Variants in IL1RAP observed in about 807,000 individuals in gnomAD.
IL1RAP encodes interleukin 1 receptor accessory protein, also known as interleukin-1 receptor accessory protein.
In IL1RAP, 35 loss-of-function variants were observed where a neutral mutation model predicts 60.7. The ratio of observed to expected loss-of-function variants is 0.58; its 90% confidence interval spans 0.44 to 0.76. IL1RAP has a LOEUF of 0.76. IL1RAP is among the 30% of genes least tolerant of loss of function. IL1RAP has a pLI of 0.00. For missense variants in IL1RAP, 572 were observed against 693.9 expected (o/e 0.82, Z 1.97); for synonymous variants, 268 against 250.9 (o/e 1.07, Z -0.64).
chr3:190,659,335 C>T (rs1734709739), exon 12 of IL1RAP: 1 of 152,000 alleles, frequency 6.6e-6, no homozygotes. Flanking sequence ...TTTCCTTGGA[C>T]AATATAAGTG....
chr3:190,645,480 A>G (rs952655351), intron 10 of IL1RAP, among the ~76,000 whole-genome samples: 2 of 152,196 alleles, frequency 1.3e-5, no homozygotes, highest in Non-Finnish European at 2.9e-5. Context: ...TTTCCACTGT[A>G]AAGCAACCTG....
At chr3:190,576,964 G>T (rs369040256) in intron 3 of IL1RAP, among the ~76,000 whole-genome samples, 1 of 152,032 alleles carries the variant, frequency 6.6e-6, no homozygotes, top group Admixed American at 6.5e-5. Context: ...AGCCGGGCGC[G>T]GTGGCGGGCG....
intron 5 of IL1RAP, among the ~76,000 whole-genome samples, chr3:190,619,882 G>C (rs536779534): frequency 6.6e-6 from 1 of 152,240 alleles, no homozygotes; most frequent in East Asian, 1.9e-4. Flanking sequence ...AATATAATCA[G>C]TGAAGAAATA....
chr3:190,543,157 C>G (rs1299834589), intron 1 of IL1RAP, among the ~76,000 whole-genome samples: 1 of 152,016 alleles, frequency 6.6e-6, no homozygotes, highest in African/African-American at 2.4e-5. Context: ...GATGACAATC[C>G]AAAGGTATTC....
intron 1 of IL1RAP, among the ~76,000 whole-genome samples, chr3:190,550,112 G>C (rs1027064068): frequency 6.6e-6 from 1 of 152,304 alleles, no homozygotes; most frequent in East Asian, 1.9e-4. Flanking sequence ...AACAGGGGGG[G>C]CTTAGAGAAT....
At chr3:190,570,904 T>G (rs1417776341) in intron 3 of IL1RAP, among the ~76,000 whole-genome samples, 1 of 152,202 alleles carries the variant, frequency 6.6e-6, no homozygotes, top group Non-Finnish European at 1.5e-5. Context: ...CATTTTGATA[T>G]GTGCACCAAG....
In IL1RAP at chr3:190,651,165, A is replaced by AT. The variant is rs201120230; in HGVS notation, c.*2467dup. The stretch of plus-strand genomic sequence containing the variant: ...AGAACAAGAACAAACCATGTCTCAA[A>AT]TTTTTTTAAAAAAAATTAATGGTTT... On this transcript the variant is annotated 3_prime_UTR_variant, in exon 12 of 12. Coordinates refer to ENST00000447382, the MANE Select transcript of IL1RAP (RefSeq NM_002182.4). 3.5e-4 allele frequency: 340 copies of AT among 982,512 alleles called. 1 individual carries two copies. Among genetic ancestry groups the AT allele is most frequent in the Non-Finnish European group, 3.8e-4 (318 of 827,474 alleles). 60.9% of individuals were successfully genotyped at this position (982,512 alleles called of 1,614,324 possible).
chr3:190,600,529 G>T (rs1005806739), intron 3 of IL1RAP, among the ~76,000 whole-genome samples: 2 of 152,184 alleles, frequency 1.3e-5, no homozygotes, highest in African/African-American at 2.4e-5. Context: ...GAACAAAGTT[G>T]TGTGGTATGC....
chr3:190,532,452 C>T (rs971705461), intron 1 of IL1RAP, among the ~76,000 whole-genome samples: 8 of 151,882 alleles, frequency 5.3e-5, no homozygotes, highest in Admixed American at 4.6e-4. Context: ...TTAGTAGAGA[C>T]GGGGTTTCAC....
chr3:190,537,350 T>A (rs1452599669), intron 1 of IL1RAP, among the ~76,000 whole-genome samples: 1 of 152,190 alleles, frequency 6.6e-6, no homozygotes, highest in African/African-American at 2.4e-5. Context: ...CTCAGATCTA[T>A]TCCTTTACAT....
intron 6 of IL1RAP, among the ~76,000 whole-genome samples, chr3:190,621,572 T>C (rs1396526457): frequency 6.6e-6 from 1 of 152,208 alleles, no homozygotes; most frequent in Non-Finnish European, 1.5e-5. Context: ...GATTAACAGA[T>C]TTAAAAATTC....
chr3:190,656,868 C>A, exon 12 of IL1RAP: 1 of 368,210 alleles, frequency 2.7e-6, no homozygotes, highest in East Asian at 4.4e-5. Flanking sequence ...AAAGTCTGAT[C>A]CTCTATCTTG....
chr3:190,640,837 A>G (rs73062276), intron 9 of IL1RAP, among the ~76,000 whole-genome samples: 2,593 of 152,358 alleles, frequency 0.017, 76 homozygotes, highest in African/African-American at 0.06. Context: ...TTAAGGACTA[A>G]CAACCATCAA....
chr3:190,649,969 ATCT>A lies in IL1RAP; in HGVS notation c.*1266_*1268del. ...ATACACACGTGTATATGAGATATATATCTTATATCTCCACAAACACAAATTATA... is the reference window on the plus strand; with the variant it reads ...ATACACACGTGTATATGAGATATATATATATCTCCACAAACACAAATTATA... On this transcript the variant is annotated 3_prime_UTR_variant, in exon 12 of 12. Transcript: ENST00000447382. The A allele has an allele frequency of 1.5e-6, 1 of 689,338 alleles. No homozygotes were observed. Among genetic ancestry groups the A allele is most frequent in the Non-Finnish European group, 1.8e-6 (1 of 560,108 alleles). The allele number at this position is 689,338 out of a possible 1,614,324, so 42.7% of individuals were successfully genotyped here. A position where few individuals can be genotyped will look rare whatever the true frequency, so the allele number is the denominator to read the frequency against.
chr3:190,527,300 C>T (rs900065450), intron 1 of IL1RAP, among the ~76,000 whole-genome samples: 1 of 152,162 alleles, frequency 6.6e-6, no homozygotes, highest in East Asian at 1.9e-4. Context: ...ATCCTTACTG[C>T]AGCCATGTAC....
rs150714965 is a variant in IL1RAP at position 190,597,868 on chromosome 3, C to T, written c.65-6260C>T. 3.4e-3 allele frequency among the ~76,000 whole-genome samples: 518 copies of T among 152,160 alleles called. 2 individuals are homozygous for T. The highest frequency in any genetic ancestry group is 0.012 in the African/African-American group (510 of 41,484). ...CTTTACAAAAGAAAAATCTACATGT[C>T]GCTCATCATCTATCTTACTATTAAT... On this transcript the variant is annotated intron_variant, in intron 3 of 11. Coordinates refer to ENST00000447382, the MANE Select transcript of IL1RAP (RefSeq NM_002182.4).
At chr3:190,615,627 A>G (rs888462894) in intron 5 of IL1RAP, among the ~76,000 whole-genome samples, 6 of 152,166 alleles carry the variant, frequency 3.9e-5, no homozygotes, top group Admixed American at 1.3e-4. Flanking sequence ...TGACTTTTCT[A>G]TTATCTTTGT....
At chr3:190,542,267 A>G (rs184890818) in intron 1 of IL1RAP, among the ~76,000 whole-genome samples, 1 of 152,164 alleles carries the variant, frequency 6.6e-6, no homozygotes, top group Non-Finnish European at 1.5e-5. Context: ...AAGGAGAATG[A>G]TGTGAAAGAA....
chr3:190,626,030 G>T (rs1008973250), intron 7 of IL1RAP, among the ~76,000 whole-genome samples: 1 of 152,084 alleles, frequency 6.6e-6, no homozygotes, highest in Non-Finnish European at 1.5e-5. Context: ...TTAGGGTGAC[G>T]ATATAATTTA....
Sources: gnomAD v4.1 joint callset for allele counts (sites outside exome capture counted in the v4.1 genomes callset) on GRCh38, gnomAD v4.1.1 for gene constraint, MANE v1.5 for transcripts, NCBI Gene and HGNC (gene_info 2026-07-23, HGNC 2026-07-21) for gene names.